The following MACF1 variants were observed in gnomAD, a reference collection of about 807,000 sequenced individuals.
MACF1 encodes microtubule-actin cross-linking factor 1.
Under a neutral mutation model 854.8 loss-of-function variants are expected in MACF1, and 193 were observed. The observed-to-expected ratio is 0.23, with a 90% CI of 0.20 to 0.25. The LOEUF is 0.25. Ranked by LOEUF, MACF1 falls within the 10% of genes least tolerant of loss-of-function variation. The pLI, the probability that MACF1 is intolerant of heterozygous loss-of-function variation, is 1.00. For missense variants in MACF1, 7,722 were observed against 8,929.1 expected (o/e 0.86, Z 5.45); for synonymous variants, 3,185 against 3,226.7 (o/e 0.99, Z 0.44).
At chr1:39,107,582 G>A (rs887098445) in intron 2 of MACF1, among the ~76,000 whole-genome samples, 2 of 152,066 alleles carry the variant, frequency 1.3e-5, no homozygotes, top group Non-Finnish European at 2.9e-5. Flanking sequence ...CTTAGCATCC[G>A]GGCCTTTGTT....
At chr1:39,093,217 A>G (rs925345664) in intron 2 of MACF1, among the ~76,000 whole-genome samples, 1 of 151,654 alleles carries the variant, frequency 6.6e-6, no homozygotes, top group Admixed American at 6.6e-5. Flanking sequence ...GGTGTCCTCC[A>G]GTTCAATTAC....
chr1:39,095,725 A>C (rs1641920844), intron 2 of MACF1, among the ~76,000 whole-genome samples: 1 of 151,184 alleles, frequency 6.6e-6, no homozygotes, highest in Admixed American at 6.6e-5. Context: ...CCACAAAAAA[A>C]AAAATTAGGT....
intron 6 of MACF1, among the ~76,000 whole-genome samples, chr1:39,259,221 G>A (rs76901023): frequency 0.023 from 3,497 of 152,326 alleles, 84 homozygotes; most frequent in East Asian, 0.13. Flanking sequence ...TCATAGGTGG[G>A]AGGTAAGGAG....
At chr1:39,191,109 A>T (rs1644250280) in intron 2 of MACF1, among the ~76,000 whole-genome samples, 1 of 152,164 alleles carries the variant, frequency 6.6e-6, no homozygotes, top group Non-Finnish European at 1.5e-5. Context: ...GTAGGGAAAA[A>T]ATGTAGGCAA....
chr1:39,468,779 G>A (rs1644719009), intron 96 of MACF1, 47 bp downstream of exon 96: 2 of 1,505,558 alleles, frequency 1.3e-6, no homozygotes, highest in Non-Finnish European at 1.8e-6. Context: ...TATGCCCCCA[G>A]CAGTGATCTT....
At chr1:39,379,072 A>T (rs1360441566) in intron 53 of MACF1, 131 bp from the exon 54 acceptor site, 9 of 992,838 alleles carry the variant, frequency 9.1e-6, no homozygotes, top group Non-Finnish European at 1.3e-5. Flanking sequence ...GAACTTTTGT[A>T]TGATTTAGCA....
At chr1:39,344,025 G>T (rs1341469942) in intron 40 of MACF1, among the ~76,000 whole-genome samples, 1 of 151,400 alleles carries the variant, frequency 6.6e-6, no homozygotes, top group African/African-American at 2.4e-5. Flanking sequence ...TGAGGCAGGA[G>T]AATCACTTGA....
intron 1 of MACF1, among the ~76,000 whole-genome samples, chr1:39,228,820 A>AT (rs1557530085): frequency 1.3e-5 from 2 of 152,008 alleles, no homozygotes. Flanking sequence ...TGTCCAGCTA[A>AT]TTTTTGTATT....
chr1:39,384,766 G>A (rs986920011), intron 56 of MACF1, among the ~76,000 whole-genome samples: 2 of 152,172 alleles, frequency 1.3e-5, no homozygotes, highest in African/African-American at 4.8e-5. Context: ...AGCTGGCTCT[G>A]GGATCCAGTG....
At chr1:39,342,859 T>C (rs1374766069) in intron 40 of MACF1, among the ~76,000 whole-genome samples, 1 of 152,134 alleles carries the variant, frequency 6.6e-6, no homozygotes, top group African/African-American at 2.4e-5. Context: ...ATAAACATTA[T>C]AGGCTTTATG....
rs1293919871 is a variant in MACF1 at position 39,387,816 on chromosome 1, G to A, written c.14974G>A (p.Asp4992Asn). The change falls in exon 58 of 101, where the codon GAT becomes AAT. Residue 4992 changes from aspartate (D) to asparagine (N), a missense_variant. Asp to Asn is a conservative substitution (Grantham distance 23). Around this residue, in one of 15 missense-constraint regions of MACF1, gnomAD observed 2,807 missense variants for 3,235.8 expected, o/e 0.87. Coordinates refer to ENST00000564288, the MANE Select transcript of MACF1 (RefSeq NM_001394062.1). Reference protein sequence around the residue: ...DEKAGINQNMDAVTEELQAKT... With the variant: ...DEKAGINQNMNAVTEELQAKT... ...GAAGGCTGGGATCAACCAGAACATG[G>A]ATGCTGTTACAGAAGAGCTGCAGGC... 3 of 1,614,150 alleles carry A rather than the reference G, an allele frequency of 1.9e-6. No individual in the cohort carries two copies.
At chr1:39,356,405 A>G (rs1338415104) in intron 44 of MACF1, among the ~76,000 whole-genome samples, 1 of 151,572 alleles carries the variant, frequency 6.6e-6, no homozygotes, top group Non-Finnish European at 1.5e-5. Context: ...TGGAGTCTCA[A>G]GTCTGTTGCC....
chr1:39,258,280 C>T (rs892021933), intron 6 of MACF1, among the ~76,000 whole-genome samples: 1 of 152,150 alleles, frequency 6.6e-6, no homozygotes, highest in Non-Finnish European at 1.5e-5. Flanking sequence ...GCCCTGTCCT[C>T]AGCAGTCTGG....
chr1:39,485,371 A>G (rs2124271020), intron 100 of MACF1, 167 bp from the exon 101 acceptor site: 1 of 738,036 alleles, frequency 1.4e-6, no homozygotes, highest in East Asian at 2.8e-5. Flanking sequence ...AGAATCACAA[A>G]GCCAGAAAAG....
At chr1:39,270,608 G>A (rs1645297313) in intron 6 of MACF1, among the ~76,000 whole-genome samples, 2 of 152,270 alleles carry the variant, frequency 1.3e-5, no homozygotes, top group Non-Finnish European at 2.9e-5. Context: ...GATTGTGTGG[G>A]TGATTGAAGT....
chr1:39,439,358 A>G lies in MACF1; in HGVS notation c.18305A>G (p.Asp6102Gly). ...RAEEREIKFL[D>G]VLELAEKFWY... The stretch of plus-strand genomic sequence containing the variant: ...GAAGAACGAGAAATCAAATTTCTTG[A>G]TGTCCTTGAATTAGCAGAGAAGTTC... Residue 6102 changes from aspartate to glycine, a missense_variant, in exon 72 of 101, where the codon GAT (aspartate) becomes GGT (glycine). Physicochemically the swap from Asp to Gly is moderately conservative, Grantham distance 94. Transcript: ENST00000564288. 2.5e-6 allele frequency: 4 copies of G among 1,614,096 alleles called. No homozygotes were observed. The highest frequency in any genetic ancestry group is 3.4e-6 in the Non-Finnish European group (4 of 1,179,970).
chr1:39,316,321 C>A, intron 27 of MACF1, 70 bp from the exon 28 acceptor site: 3 of 1,311,722 alleles, frequency 2.3e-6, no homozygotes, highest in South Asian at 1.6e-5. Flanking sequence ...CTCTCTATAG[C>A]ACTCCAGGTA....
chr1:39,269,321 T>C (rs1344210203), intron 6 of MACF1: 2 of 1,289,714 alleles, frequency 1.6e-6, no homozygotes, highest in Non-Finnish European at 2.0e-6. Flanking sequence ...ACTACCCCAC[T>C]GATAAAGGAA....
At chr1:39,432,209 G>T (rs956198377) in intron 66 of MACF1, among the ~76,000 whole-genome samples, 1 of 152,194 alleles carries the variant, frequency 6.6e-6, no homozygotes, top group Non-Finnish European at 1.5e-5. Context: ...CCATGTCTGG[G>T]TAGGAAAGAG....
Sources: allele counts gnomAD v4.1 joint callset (sites outside exome capture counted in the v4.1 genomes callset), GRCh38; gene constraint gnomAD v4.1.1; regional missense constraint gnomAD v4.1.1; transcripts MANE v1.5; gene names NCBI Gene and HGNC (gene_info 2026-07-23, HGNC 2026-07-21).